The following TUB variants were observed in gnomAD, a reference collection of about 807,000 sequenced individuals.
TUB encodes TUB bipartite transcription factor.
A neutral mutation model predicts 59.7 loss-of-function variants in TUB; 33 were observed. That is an observed-to-expected ratio of 0.55 (90% CI 0.42 to 0.74). The LOEUF is 0.74. TUB is among the 30% of genes least tolerant of loss of function. The pLI, the probability that TUB is intolerant of heterozygous loss-of-function variation, is 0.00. For synonymous variants in TUB, 293 were observed against 256.4 expected (o/e 1.14, Z -1.36); for missense variants, 659 against 672.0 (o/e 0.98, Z 0.21).
intron 3 of TUB, among the ~76,000 whole-genome samples, chr11:8,091,337 G>A (rs1239379900): frequency 1.3e-5 from 2 of 152,184 alleles, no homozygotes; most frequent in Non-Finnish European, 2.9e-5. Flanking sequence ...CTGTGTGCAT[G>A]TGTACCCTCC....
chr11:8,071,608 A>G (rs1433273256), intron 2 of TUB, among the ~76,000 whole-genome samples: 1 of 152,194 alleles, frequency 6.6e-6, no homozygotes, highest in Non-Finnish European at 1.5e-5. Flanking sequence ...GGGAAGTTTT[A>G]TATGAGATTC....
intron 3 of TUB, among the ~76,000 whole-genome samples, chr11:8,090,951 G>A (rs1943759524): frequency 6.6e-6 from 1 of 152,122 alleles, no homozygotes; most frequent in Non-Finnish European, 1.5e-5. Flanking sequence ...CTCAGACTCA[G>A]TCTCCACTGC....
intron 9 of TUB, among the ~76,000 whole-genome samples, chr11:8,099,909 A>G (rs919875794): frequency 2.0e-5 from 3 of 152,174 alleles, no homozygotes; most frequent in African/African-American, 7.2e-5. Context: ...AATGGTGAGG[A>G]GAGGAAGGTC....
At chr11:8,025,414 G>A (rs980896457) in intron 1 of TUB, among the ~76,000 whole-genome samples, 2 of 152,302 alleles carry the variant, frequency 1.3e-5, no homozygotes, top group Middle Eastern at 3.4e-3. Context: ...AGGTAGGAGT[G>A]TGCCTAGTGT....
At chr11:8,025,108 G>T (rs1942483324) in intron 1 of TUB, among the ~76,000 whole-genome samples, 1 of 152,214 alleles carries the variant, frequency 6.6e-6, no homozygotes, top group Admixed American at 6.5e-5. Context: ...AAAGTCTGTG[G>T]TCTCGTAGTT....
intron 1 of TUB, among the ~76,000 whole-genome samples, chr11:8,028,661 C>A (rs2133705442): frequency 6.6e-6 from 1 of 152,276 alleles, no homozygotes; most frequent in South Asian, 2.1e-4. Flanking sequence ...GTTGTCTCAG[C>A]ACTATTTGTT....
chr11:8,039,706 G>A (rs1277409587), intron 2 of TUB: 1 of 1,523,610 alleles, frequency 6.6e-7, no homozygotes, highest in Non-Finnish European at 8.8e-7. Flanking sequence ...AGCTGGAGGG[G>A]AGGAGGGCGT....
chr11:8,080,680 C>G (rs192604224), upstream of TUB, among the ~76,000 whole-genome samples: 807 of 152,320 alleles, frequency 5.3e-3, 6 homozygotes, highest in Non-Finnish European at 8.4e-3. Flanking sequence ...AAATGTTCCC[C>G]TTCCCTTGAC....
intron 1 of TUB, among the ~76,000 whole-genome samples, chr11:8,030,679 T>C (rs1244381338): frequency 1.3e-5 from 2 of 152,166 alleles, no homozygotes; most frequent in Non-Finnish European, 2.9e-5. Context: ...TAGAGAACTG[T>C]GCCAGCAGAT....
At chr11:8,086,650 C>T (rs764570776) in intron 1 of TUB, among the ~76,000 whole-genome samples, 4 of 152,184 alleles carry the variant, frequency 2.6e-5, no homozygotes, top group Non-Finnish European at 4.4e-5. Context: ...ATCGTGCCCA[C>T]TCTCAGAGCC....
rs372420700 is a variant in TUB, at chr11:8,100,898, C to G, written c.1288C>G (p.Pro430Ala). Residue 430 changes from proline to alanine, a missense_variant, in exon 11 of 12, where the codon CCT becomes GCT. Pro to Ala is a conservative substitution (Grantham distance 27). Coordinates refer to ENST00000299506, the MANE Select transcript of TUB (RefSeq NM_177972.3). Reference sequence around the variant, plus strand: ...TATCATCGAGCTGCAAAACAAGACACCTGTCTGGAATGATGACACACAGTC... The same window carrying G: ...TATCATCGAGCTGCAAAACAAGACAGCTGTCTGGAATGATGACACACAGTC... Reference protein sequence around the residue: ...ESIIELQNKTPVWNDDTQSYV... With the variant: ...ESIIELQNKTAVWNDDTQSYV... 8.7e-6 allele frequency: 14 copies of G among 1,614,102 alleles called. No individual in the cohort carries two copies. Among genetic ancestry groups the G allele is most frequent in the Non-Finnish European group, 1.2e-5 (14 of 1,180,054 alleles).
At chr11:8,101,087 G>A in intron 11 of TUB, 90 bp downstream of exon 11, 1 of 1,468,592 alleles carries the variant, frequency 6.8e-7, no homozygotes, top group South Asian at 1.2e-5. Flanking sequence ...GCCTACACTG[G>A]CTAGAGTTTA....
In TUB at chr11:8,105,614, C is replaced by T. The variant is rs1944537803; in HGVS notation, c.*3995C>T. 6.6e-6 allele frequency: 1 copy of T among 152,110 alleles called. No individual in the cohort carries two copies. Among genetic ancestry groups the T allele is most frequent in the South Asian group, 2.1e-4 (1 of 4,826 alleles). 9.4% of individuals were successfully genotyped at this position (152,110 alleles called of 1,614,324 possible). ...ATCTCTCTAGGTCCATTTTCCTAAC[C>T]ACAAGATAAAGATGTTACATTGTCA... On this transcript the variant is annotated 3_prime_UTR_variant, in exon 12 of 12. Transcript: ENST00000299506.
intron 1 of TUB, among the ~76,000 whole-genome samples, chr11:8,024,830 G>T (rs1363448880): frequency 6.6e-6 from 1 of 152,202 alleles, no homozygotes; most frequent in East Asian, 1.9e-4. Flanking sequence ...AATTATGTTT[G>T]TGTGTGTGAG....
At chr11:8,061,654 CAT>C (rs1220426741) in intron 2 of TUB, among the ~76,000 whole-genome samples, 1 of 152,106 alleles carries the variant, frequency 6.6e-6, no homozygotes, top group Non-Finnish European at 1.5e-5. Flanking sequence ...AGCCCACACT[CAT>C]GTCCCTGCAT....
intron 1 of TUB, among the ~76,000 whole-genome samples, chr11:8,088,355 A>C (rs544960805): frequency 1.3e-5 from 2 of 152,300 alleles, no homozygotes; most frequent in African/African-American, 4.8e-5. Context: ...TCCAGCTAGA[A>C]AGGGCTAGCC....
rs113441550 is a variant in TUB, at chr11:8,046,493, A to T, written c.203+6801A>T. Among the ~76,000 whole-genome samples the T allele has an allele frequency of 2.9e-3, 438 of 152,152 alleles. 1 individual carries two copies. The highest frequency in any genetic ancestry group is 0.01 in the African/African-American group (428 of 41,514). ...TTCTATTTCCTATCTCCTGGGGGAA[A>T]CCCAGCCCCAAATCTTAAAGGCCAC... On this transcript the variant is annotated intron_variant, in intron 2 of 12. Transcript: ENST00000305253.
rs571919185 is a variant in TUB at position 8,032,264 on chromosome 11, C to G, written c.56+12906C>G. ...GCCTTGTGACACCACAAGTGCCGCCCCCACCCCCAACTACCACCAAGTATC... is the reference window on the plus strand; with the variant it reads ...GCCTTGTGACACCACAAGTGCCGCCGCCACCCCCAACTACCACCAAGTATC... On this transcript the variant is annotated intron_variant, in intron 1 of 11. Transcript: ENST00000534099. 3.3e-4 allele frequency among the ~76,000 whole-genome samples: 50 copies of G among 152,276 alleles called. No individual in the cohort carries two copies. In the South Asian group the frequency reaches 4.8e-3, roughly 15 times the overall value.
At chr11:8,073,953 C>T (rs1943403380) in intron 2 of TUB, among the ~76,000 whole-genome samples, 1 of 152,154 alleles carries the variant, frequency 6.6e-6, no homozygotes, top group South Asian at 2.1e-4. Context: ...TCCTCTGCTC[C>T]CTTCCAAGAT....
Sources: gnomAD v4.1 joint callset for allele counts (sites outside exome capture counted in the v4.1 genomes callset) on GRCh38, gnomAD v4.1.1 for gene constraint, MANE v1.5 for transcripts, NCBI Gene and HGNC (gene_info 2026-07-23, HGNC 2026-07-21) for gene names.